The following LDB2 variants were observed in gnomAD, a reference collection of about 807,000 sequenced individuals.
LDB2 encodes the protein LIM domain-binding protein 2.
LDB2 carries 12 observed loss-of-function variants against 44.3 expected under a neutral mutation model. The observed-to-expected ratio is 0.27, with a 90% CI of 0.17 to 0.44. The LOEUF is 0.44. Among genes scored for constraint, LDB2 ranks in the 20% least tolerant of loss-of-function variants. LDB2 has a pLI of 1.00. For synonymous variants in LDB2, 164 were observed against 174.8 expected, an observed-to-expected ratio of 0.94 and a Z score of 0.49; for missense variants, 344 against 473.5, an observed-to-expected ratio of 0.73 and a Z score of 2.54.
chr4:16,604,511 A>G (rs1578150144), intron 2 of LDB2, among the ~76,000 whole-genome samples: 1 of 149,276 alleles, frequency 6.7e-6, no homozygotes, highest in Admixed American at 6.7e-5. Context: ...TTGCAATAAC[A>G]TGAGAAAATA....
intron 1 of LDB2, among the ~76,000 whole-genome samples, chr4:16,786,397 A>C (rs921856593): frequency 6.6e-6 from 1 of 152,222 alleles, no homozygotes; most frequent in Non-Finnish European, 1.5e-5. Flanking sequence ...AGGAAGCAGA[A>C]GATTTCAGCT....
intron 5 of LDB2, among the ~76,000 whole-genome samples, chr4:16,535,760 A>T (rs2312934): frequency 0.28 from 41,910 of 152,126 alleles, 6,080 homozygotes; most frequent in African/African-American, 0.36. Context: ...ATACTGGGCA[A>T]TTCCACAGAG....
At chr4:16,807,899 C>G (rs1280593587) in intron 1 of LDB2, among the ~76,000 whole-genome samples, 1 of 152,128 alleles carries the variant, frequency 6.6e-6, no homozygotes, top group Non-Finnish European at 1.5e-5. Flanking sequence ...GGAAGTGTAT[C>G]TCTTACCAAC....
At chr4:16,794,688 A>G (rs75115564) in intron 1 of LDB2, among the ~76,000 whole-genome samples, 1,776 of 152,364 alleles carry the variant, frequency 0.012, 39 homozygotes, top group African/African-American at 0.04. Flanking sequence ...TAAATATTCA[A>G]TGATGTTACC....
At chr4:16,603,957 C>T (rs1277919266) in intron 2 of LDB2, among the ~76,000 whole-genome samples, 4 of 152,180 alleles carry the variant, frequency 2.6e-5, no homozygotes, top group Non-Finnish European at 2.9e-5. Context: ...TAACCTCAAA[C>T]TCCTGGGCTC....
intron 1 of LDB2, among the ~76,000 whole-genome samples, chr4:16,893,527 C>G (rs1724031344): frequency 6.6e-6 from 1 of 151,980 alleles, no homozygotes; most frequent in Admixed American, 6.6e-5. Context: ...TCCCCACCCC[C>G]TCCCCAGGGA....
chr4:16,825,974 TTCATTATATATTA>T (rs1341910145), intron 1 of LDB2, among the ~76,000 whole-genome samples: 1 of 151,660 alleles, frequency 6.6e-6, no homozygotes, highest in African/African-American at 2.4e-5. Flanking sequence ...GTCATGTATA[TTCATTATATATTA>T]TCATTATATA....
chr4:16,556,384 G>A (rs1739599453), intron 5 of LDB2, among the ~76,000 whole-genome samples: 1 of 152,202 alleles, frequency 6.6e-6, no homozygotes, highest in Non-Finnish European at 1.5e-5. Flanking sequence ...TGATAAGCTT[G>A]GTGAGAGCAA....
intron 1 of LDB2, among the ~76,000 whole-genome samples, chr4:16,848,550 T>C (rs1283973330): frequency 6.6e-6 from 1 of 152,126 alleles, no homozygotes; most frequent in Non-Finnish European, 1.5e-5. Flanking sequence ...CATCCAACAA[T>C]GGAGTGGGCA....
At chr4:16,555,882 A>G (rs1377973703) in intron 5 of LDB2, among the ~76,000 whole-genome samples, 10 of 151,898 alleles carry the variant, frequency 6.6e-5, no homozygotes, top group Admixed American at 5.2e-4. Flanking sequence ...GTCCAATTCA[A>G]TCTCGCGTTA....
At chr4:16,700,518 G>A (rs1480102797) in intron 2 of LDB2, among the ~76,000 whole-genome samples, 4 of 152,024 alleles carry the variant, frequency 2.6e-5, no homozygotes, top group African/African-American at 7.3e-5. Flanking sequence ...AAAAACATCC[G>A]GTGTGTTTAT....
At chr4:16,763,515 G>A (rs1768462445) in intron 1 of LDB2, among the ~76,000 whole-genome samples, 1 of 150,464 alleles carries the variant, frequency 6.6e-6, no homozygotes, top group Admixed American at 6.6e-5. Context: ...CAGAACAAAT[G>A]TTTATTTAGG....
chr4:16,849,974 A>C (rs1423624931), intron 1 of LDB2, among the ~76,000 whole-genome samples: 1 of 152,256 alleles, frequency 6.6e-6, no homozygotes, highest in Non-Finnish European at 1.5e-5. Flanking sequence ...ATCCCCAGGA[A>C]GGTGAAGCGC....
intron 2 of LDB2, among the ~76,000 whole-genome samples, chr4:16,648,417 C>T (rs1395247914): frequency 1.3e-5 from 2 of 152,224 alleles, no homozygotes; most frequent in African/African-American, 2.4e-5. Context: ...TGCCCTTGGT[C>T]AAGCAGGCAT....
chr4:16,794,849 GA>G (rs1776417440), intron 1 of LDB2, among the ~76,000 whole-genome samples: 1 of 152,174 alleles, frequency 6.6e-6, no homozygotes, highest in Non-Finnish European at 1.5e-5. Context: ...CCTGCTCCTG[GA>G]AGCCTTTCCT....
chr4:16,734,453 T>C (rs138773003), intron 2 of LDB2, among the ~76,000 whole-genome samples: 1 of 152,332 alleles, frequency 6.6e-6, no homozygotes, highest in East Asian at 1.9e-4. Context: ...GGACTCAGAA[T>C]TTGTTGTCAT....
intron 5 of LDB2, among the ~76,000 whole-genome samples, chr4:16,585,108 C>T (rs1050635512): frequency 6.6e-6 from 1 of 152,170 alleles, no homozygotes; most frequent in Admixed American, 6.5e-5. Context: ...ACTTCATAGA[C>T]CATCACGCCC....
At chr4:16,721,749 A>G (rs1758335566) in intron 2 of LDB2, among the ~76,000 whole-genome samples, 1 of 152,132 alleles carries the variant, frequency 6.6e-6, no homozygotes, top group African/African-American at 2.4e-5. Flanking sequence ...TCTTGACACT[A>G]AAACTACCCA....
chr4:16,509,641 A>C (rs1232192771), intron 6 of LDB2, among the ~76,000 whole-genome samples: 1 of 152,154 alleles, frequency 6.6e-6, no homozygotes, highest in Non-Finnish European at 1.5e-5. Context: ...TATTATTGTA[A>C]TCTTTGTTTC....
Sources: gnomAD v4.1 joint callset for allele counts (sites outside exome capture counted in the v4.1 genomes callset) on GRCh38, gnomAD v4.1.1 for gene constraint, MANE v1.5 for transcripts, NCBI Gene and HGNC (gene_info 2026-07-23, HGNC 2026-07-21) for gene names.